The following FER1L6 variants were observed in gnomAD, a reference collection of about 807,000 sequenced individuals.
FER1L6 encodes fer-1-like protein 6.
In FER1L6, 177 loss-of-function variants were observed where a neutral mutation model predicts 219.2. The ratio of observed to expected loss-of-function variants is 0.81; its 90% CI spans 0.71 to 0.91. The LOEUF (loss-of-function observed/expected upper bound fraction) is 0.91. Ranked by LOEUF, FER1L6 falls within the 40% of genes least tolerant of loss-of-function variation. FER1L6 has a pLI of 0.00. For synonymous variants in FER1L6, 768 were observed against 824.3 expected, an observed-to-expected ratio of 0.93 and a Z score of 1.17; for missense variants, 2,153 against 2,259.9, an observed-to-expected ratio of 0.95 and a Z score of 0.96.
chr8:124,103,236 A>G lies in FER1L6; in HGVS notation c.5216A>G (p.Glu1739Gly), dbSNP rs1238079784. The part of the protein sequence containing the change: ...DLAKFENASE[E>G]TKISIFQQKR... ...GCCAAGTTTGAAAATGCAAGTGAGG[A>G]GACCAAGATCTCTATATTCCAGCAA... is the stretch of plus-strand genomic sequence containing the variant. Residue 1739 changes from glutamate to glycine, a missense_variant, in exon 39 of 41, where the codon GAG becomes GGG. Physicochemically the swap from Glu to Gly is moderately conservative, Grantham distance 98 (BLOSUM62 -2). Transcript: ENST00000522917. The G allele has an allele frequency of 1.2e-6, 2 of 1,614,172 alleles. No homozygotes were observed. The highest frequency in any genetic ancestry group is 1.7e-6 in the Non-Finnish European group (2 of 1,180,006).
chr8:124,082,422 A>T lies in FER1L6; in HGVS notation c.4355A>T (p.His1452Leu). The T allele has an allele frequency of 6.2e-7, 1 of 1,614,040 alleles. No individual in the cohort carries two copies. Among genetic ancestry groups the T allele is most frequent in the Non-Finnish European group, 8.5e-7 (1 of 1,179,946 alleles). ...CTGGAGAACCGCTTCTACAGCAAAC[A>T]CCGAGCCATCTGTGGCTTGCAGAGC... The part of the protein sequence containing the change: ...IDLENRFYSK[H>L]RAICGLQSQY... The change falls in exon 33 of 41, where the codon CAC (histidine) becomes CTC (leucine). Residue 1452 changes from histidine (H) to leucine (L), a missense_variant. Transcript: ENST00000522917.
chr8:124,063,774 T>C (rs531813859), intron 25 of FER1L6, among the ~76,000 whole-genome samples: 3 of 152,280 alleles, frequency 2.0e-5, no homozygotes, highest in Admixed American at 6.5e-5. Flanking sequence ...CTGGGAAATG[T>C]TCCTGAGTGC....
chr8:123,967,948 G>A (rs374107133), intron 5 of FER1L6, among the ~76,000 whole-genome samples: 6 of 151,184 alleles, frequency 4.0e-5, no homozygotes, highest in East Asian at 3.9e-4. Context: ...AAAGCAAGAC[G>A]TTGTCTCAGG....
chr8:123,981,680 A>T (rs907711816), intron 11 of FER1L6, among the ~76,000 whole-genome samples: 2 of 152,148 alleles, frequency 1.3e-5, no homozygotes, highest in Non-Finnish European at 2.9e-5. Context: ...GCTGGGACCT[A>T]ATAAATCTTA....
chr8:124,091,903 G>T (rs376146009), intron 34 of FER1L6, among the ~76,000 whole-genome samples: 10 of 151,844 alleles, frequency 6.6e-5, no homozygotes, highest in African/African-American at 2.4e-4. Flanking sequence ...AGAGGTGGAG[G>T]TTGCAGTGAC....
At chr8:123,865,548 G>C (rs1027614436) in intron 1 of FER1L6, among the ~76,000 whole-genome samples, 1 of 151,528 alleles carries the variant, frequency 6.6e-6, no homozygotes, top group Non-Finnish European at 1.5e-5. Context: ...ACCTAAGCAA[G>C]CCTGGGCAAT....
intron 9 of FER1L6, among the ~76,000 whole-genome samples, chr8:123,976,510 A>G (rs185107740): frequency 7.1e-6 from 1 of 141,172 alleles, no homozygotes; most frequent in Non-Finnish European, 1.6e-5. Flanking sequence ...CTCTGTCTTT[A>G]AAAAAAAAAA....
intron 39 of FER1L6, among the ~76,000 whole-genome samples, chr8:124,116,369 A>G (rs912646542): frequency 2.0e-5 from 3 of 152,050 alleles, no homozygotes; most frequent in African/African-American, 7.3e-5. Flanking sequence ...ATGAAACACC[A>G]TGCAAGTTAT....
chr8:123,911,559 A>G lies in FER1L6; in HGVS notation c.-7-44433A>G, dbSNP rs998657757. On this transcript the variant is annotated intron_variant, in intron 1 of 40. Coordinates refer to ENST00000522917, the MANE Select transcript of FER1L6 (RefSeq NM_001039112.2). ...CAAAGGCAAACAGGTAGGAGTTTCA[A>G]CCTAGGTCTTTCTGGCTCTGCATTC... 9.7e-4 allele frequency among the ~76,000 whole-genome samples: 148 copies of G among 152,186 alleles called. 3 individuals carry two copies. Among genetic ancestry groups the G allele is most frequent in the Non-Finnish European group, 5.3e-4 (36 of 68,026 alleles).
Position 123,986,257 on chromosome 8 carries a change from A to G in FER1L6, c.1519+81A>G, listed in dbSNP as rs1378154942. 9 of 827,780 alleles carry G rather than the reference A, an allele frequency of 1.1e-5. 1 individual carries two copies. Among genetic ancestry groups the G allele is most frequent in the Admixed American group, 1.0e-4 (5 of 47,678 alleles). The allele number at this position is 827,780 out of a possible 1,614,324, so 51.3% of individuals were successfully genotyped here. On this transcript the variant is annotated intron_variant, in intron 12 of 40. Transcript: ENST00000522917. ...TTGAATAAATGAGTTAGTGCCTTAC[A>G]TGAAGATAATAGCACTCTGGTGGAG...
chr8:124,107,893 G>C (rs1319510981), intron 39 of FER1L6, among the ~76,000 whole-genome samples: 1 of 152,170 alleles, frequency 6.6e-6, no homozygotes, highest in Non-Finnish European at 1.5e-5. Context: ...ATGAGGACAT[G>C]CACATTTTAT....
intron 22 of FER1L6, among the ~76,000 whole-genome samples, chr8:124,055,138 A>C (rs539055521): frequency 6.6e-6 from 1 of 152,126 alleles, no homozygotes; most frequent in Admixed American, 6.5e-5. Flanking sequence ...CACATCATAG[A>C]CTCACAGTAA....
intron 12 of FER1L6, among the ~76,000 whole-genome samples, chr8:123,996,309 T>C (rs1817129477): frequency 6.6e-6 from 1 of 152,186 alleles, no homozygotes; most frequent in African/African-American, 2.4e-5. Flanking sequence ...GCTCTAATAA[T>C]AATTCCTTTA....
chr8:124,109,074 A>C (rs1822903670), intron 39 of FER1L6, among the ~76,000 whole-genome samples: 2 of 152,294 alleles, frequency 1.3e-5, no homozygotes, highest in South Asian at 4.1e-4. Context: ...GAAAAAATTC[A>C]GGATATGGAC....
intron 1 of FER1L6, among the ~76,000 whole-genome samples, chr8:123,951,307 T>A (rs960710786): frequency 2.6e-5 from 4 of 152,154 alleles, no homozygotes; most frequent in Non-Finnish European, 4.4e-5. Flanking sequence ...CCATATGGAT[T>A]AGATGTGTAG....
chr8:123,875,457 T>C (rs1268696449), intron 1 of FER1L6, among the ~76,000 whole-genome samples: 1 of 152,220 alleles, frequency 6.6e-6, no homozygotes, highest in Admixed American at 6.5e-5. Flanking sequence ...GCTTAAGCCT[T>C]GCTCCTCCTC....
At chr8:124,042,703 G>C (rs1315052804) in intron 20 of FER1L6, among the ~76,000 whole-genome samples, 1 of 152,162 alleles carries the variant, frequency 6.6e-6, no homozygotes, top group Non-Finnish European at 1.5e-5. Flanking sequence ...GGCCCCTGCA[G>C]TCATAGCCGA....
At chr8:124,077,276 G>C (rs909727855) in intron 32 of FER1L6, among the ~76,000 whole-genome samples, 2 of 152,188 alleles carry the variant, frequency 1.3e-5, no homozygotes, top group Non-Finnish European at 2.9e-5. Flanking sequence ...CTGACACTCA[G>C]AACACATTAG....
chr8:123,879,412 TGCCTCC>T (rs1382621342), intron 1 of FER1L6, among the ~76,000 whole-genome samples: 8 of 152,120 alleles, frequency 5.3e-5, no homozygotes, highest in Non-Finnish European at 1.2e-4. Context: ...CTGCAAGCTC[TGCCTCC>T]CAGGTTCAAG....
Sources: allele counts gnomAD v4.1 joint callset (sites outside exome capture counted in the v4.1 genomes callset), GRCh38; gene constraint gnomAD v4.1.1; transcripts MANE v1.5; gene names NCBI Gene and HGNC (gene_info 2026-07-23, HGNC 2026-07-21).